Variants in PHF19 observed in about 807,000 individuals in gnomAD.
The protein encoded by PHF19 is polycomb like 3.
Under a neutral mutation model 79.8 loss-of-function variants are expected in PHF19, and 21 were observed. The observed-to-expected ratio is 0.26, with a 90% CI of 0.19 to 0.38. The LOEUF (loss-of-function observed/expected upper bound fraction) is 0.38, where lower values mean the gene tolerates loss of function less well. PHF19 is among the 10% of genes least tolerant of loss of function. The pLI is 1.00. For missense variants in PHF19, 445 were observed against 744.2 expected (o/e 0.60, Z 4.68); for synonymous variants, 273 against 296.3 (o/e 0.92, Z 0.81).
At chr9:120,865,871 A>G in intron 8 of PHF19, 41 bp from the exon 9 acceptor site, 3 of 1,613,594 alleles carry the variant, frequency 1.9e-6, no homozygotes, top group Non-Finnish European at 2.5e-6. Flanking sequence ...GTGAGGTGGC[A>G]GCCTGCTCAG....
chr9:120,902,486 G>A, the PHF19 span: 2 of 143,088 alleles, frequency 1.4e-5, no homozygotes, highest in South Asian at 4.5e-4. Flanking sequence ...GTTACCAGCA[G>A]GTGCTCTGTG....
intron 1 of PHF19, among the ~76,000 whole-genome samples, chr9:120,893,074 G>A (rs1422281618): frequency 1.3e-5 from 2 of 152,224 alleles, no homozygotes; most frequent in African/African-American, 4.8e-5. Context: ...GAGTTGCTGG[G>A]AGGATTGAGT....
Position 120,858,537 on chromosome 9 carries a change from C to T in PHF19, c.1401-251G>A, listed in dbSNP as rs564358662. 7.2e-5 allele frequency among the ~76,000 whole-genome samples: 11 copies of T among 152,198 alleles called. No individual in the cohort carries two copies. In the East Asian group the frequency reaches 2.1e-3, roughly 29 times the overall value. On this transcript the variant is annotated intron_variant, in intron 14 of 14. Transcript: ENST00000373896. ...CCCTGCGAGGAGGGAAACTGAGGGT[C>T]CAGAGGAGAAAACCAGGTAGGGAGT...
upstream of PHF19, among the ~76,000 whole-genome samples, chr9:120,878,391 C>G (rs1184879410): frequency 6.6e-6 from 1 of 152,142 alleles, no homozygotes; most frequent in Non-Finnish European, 1.5e-5. Flanking sequence ...AGAACACTTA[C>G]CAATAACCCC....
At chr9:120,888,323 A>G (rs1258100369) in intron 1 of PHF19, among the ~76,000 whole-genome samples, 2 of 152,160 alleles carry the variant, frequency 1.3e-5, no homozygotes, top group Non-Finnish European at 1.5e-5. Flanking sequence ...AGAAGCTCCC[A>G]GATGGGAATG....
At chr9:120,865,671 C>G in intron 9 of PHF19, 39 bp downstream of exon 9, 1 of 1,613,230 alleles carries the variant, frequency 6.2e-7, no homozygotes, top group African/African-American at 1.3e-5. Flanking sequence ...GGGCAAACCT[C>G]TCTGCCTCCT....
Position 120,862,506 on chromosome 9 carries a change from G to T in PHF19, c.1130+82C>A. 8.0e-7 allele frequency: 1 copy of T among 1,244,046 alleles called. No individual in the cohort carries two copies. Among genetic ancestry groups the T allele is most frequent in the Non-Finnish European group, 1.2e-6 (1 of 857,830 alleles). 77.1% of individuals were successfully genotyped at this position (1,244,046 alleles called of 1,614,324 possible). On this transcript the variant is annotated intron_variant, in intron 11 of 14. Transcript: ENST00000373896. This position sits in a 1 kb window ranked among gnomAD's most constrained non-coding sequence, Gnocchi z 4.6. ...AGGGTCCTACAGCTGGGACTGGCTG[G>T]GTGCAGGTCCTCCTTGCTTGCTTGG...
intron 1 of PHF19, among the ~76,000 whole-genome samples, chr9:120,887,110 C>A (rs1057174655): frequency 6.7e-6 from 1 of 150,006 alleles, no homozygotes; most frequent in African/African-American, 2.5e-5. Flanking sequence ...GAAAATTACC[C>A]TCGATAGAGT....
Position 120,862,970 on chromosome 9 carries a change from T to C in PHF19, c.969-221A>G, listed in dbSNP as rs2131500012. The C allele has an allele frequency of 3.6e-6, 2 of 554,642 alleles. No homozygotes were observed. Among genetic ancestry groups the C allele is most frequent in the Non-Finnish European group, 6.5e-6 (2 of 308,064 alleles). The allele number at this position is 554,642 out of a possible 1,614,324, so 34.4% of individuals were successfully genotyped here. ...CCTCCTCCCTGTGCTTCCTCCTGCA[T>C]GAGTGTGGTTCTTGCTGCTCTTCTC... is the stretch of plus-strand genomic sequence containing the variant. On this transcript the variant is annotated intron_variant, in intron 10 of 14. Transcript: ENST00000373896. The surrounding 1 kb of genome is among the most constrained non-coding windows in gnomAD (Gnocchi z 4.6).
chr9:120,868,825 T>G (rs1396586275), intron 6 of PHF19: 5 of 1,043,356 alleles, frequency 4.8e-6, no homozygotes, highest in Non-Finnish European at 5.8e-6. Context: ...GGGCCCTGCT[T>G]GGGCGGTCGC....
intron 6 of PHF19, chr9:120,868,757 T>G: frequency 1.2e-6 from 1 of 851,640 alleles, no homozygotes; most frequent in Non-Finnish European, 1.4e-6. Context: ...GCCTTACTAT[T>G]CCCTCCTCCC....
chr9:120,884,711 C>G (rs188973375), intron 1 of PHF19, among the ~76,000 whole-genome samples: 4 of 150,160 alleles, frequency 2.7e-5, no homozygotes, highest in Admixed American at 6.6e-5. Flanking sequence ...AGTTTGAGAC[C>G]AGCCTGGCCA....
chr9:120,880,959 A>AAAAC (rs374459390), upstream of PHF19, among the ~76,000 whole-genome samples: 7 of 152,156 alleles, frequency 4.6e-5, no homozygotes, highest in South Asian at 2.1e-4. Context: ...GACTTTCTCA[A>AAAAC]AAACAAACAA....
chr9:120,892,394 G>A (rs759057504), intron 1 of PHF19, among the ~76,000 whole-genome samples: 9 of 152,294 alleles, frequency 5.9e-5, no homozygotes, highest in East Asian at 3.9e-4. Context: ...GACTTGTGCC[G>A]TACGTGCAAT....
At chr9:120,881,216 C>T (rs907748579), upstream of PHF19, among the ~76,000 whole-genome samples, 2 of 148,688 alleles carry the variant, frequency 1.3e-5, no homozygotes, top group Non-Finnish European at 3.0e-5. Context: ...GGCGCGATCT[C>T]GGCTCACTGC....
chr9:120,877,424 GCCGCCAGCCC>G, upstream of PHF19: 6 of 911,884 alleles, frequency 6.6e-6, no homozygotes, highest in Non-Finnish European at 7.8e-6. Flanking sequence ...GCTCCGCAGC[GCCGCCAGCCC>G]CCGCCCGCCC....
chr9:120,861,964 T>G lies in PHF19; in HGVS notation c.1172A>C (p.Tyr391Ser). 6.2e-7 allele frequency: 1 copy of G among 1,613,974 alleles called. No homozygotes were observed. The highest frequency in any genetic ancestry group is 8.5e-7 in the Non-Finnish European group (1 of 1,179,780). ...HEFQQQKRRV[Y>S]RRKRSKFLLE... ...CAAAAACTTTGATCTTTTTCTTCTA[T>G]AAACTCGCCTTTTCTGCTGCTGGAA... Residue 391 changes from tyrosine (Y) to serine (S), a missense_variant, in exon 12 of 15, where the codon TAT becomes TCT. Transcript: ENST00000373896.
chr9:120,878,521 C>T (rs531920021), upstream of PHF19, among the ~76,000 whole-genome samples: 1 of 152,218 alleles, frequency 6.6e-6, no homozygotes, highest in African/African-American at 2.4e-5. Flanking sequence ...ACAGCACCTT[C>T]CCCCAGAGCC....
At chr9:120,882,785 T>G (rs1180855886) in intron 1 of PHF19, among the ~76,000 whole-genome samples, 1 of 143,872 alleles carries the variant, frequency 7.0e-6, no homozygotes, top group Non-Finnish European at 1.5e-5. Context: ...TAGGTTGCAG[T>G]GAGCCGATAT....
Sources: allele counts gnomAD v4.1 joint callset (sites outside exome capture counted in the v4.1 genomes callset), GRCh38; gene constraint gnomAD v4.1.1; non-coding constraint Gnocchi (gnomAD v3.1); transcripts MANE v1.5; gene names NCBI Gene and HGNC (gene_info 2026-07-23, HGNC 2026-07-21).